Variants in YEATS2 observed in about 807,000 individuals in gnomAD.
The protein encoded by YEATS2 is YEATS domain-containing protein 2.
A neutral mutation model predicts 163.2 loss-of-function variants in YEATS2; 77 were observed. The ratio of observed to expected loss-of-function variants is 0.47; its 90% CI spans 0.39 to 0.57. YEATS2 has a LOEUF of 0.57. Ranked by LOEUF, YEATS2 falls within the 20% of genes least tolerant of loss-of-function variation. The pLI, the probability that YEATS2 is intolerant of heterozygous loss-of-function variation, is 0.00. For synonymous variants in YEATS2, 631 were observed against 645.1 expected, an observed-to-expected ratio of 0.98 and a Z score of 0.33; for missense variants, 1,549 against 1,729.8, an observed-to-expected ratio of 0.90 and a Z score of 1.85.
At chr3:183,741,891 C>T (rs1032359217) in intron 8 of YEATS2, among the ~76,000 whole-genome samples, 1 of 151,828 alleles carries the variant, frequency 6.6e-6, no homozygotes, top group African/African-American at 2.4e-5. Context: ...GTAATTTCAA[C>T]ATTCAAGTCT....
intron 9 of YEATS2, among the ~76,000 whole-genome samples, chr3:183,749,934 C>T (rs1179014374): frequency 2.6e-5 from 4 of 152,188 alleles, no homozygotes; most frequent in Non-Finnish European, 5.9e-5. Context: ...TCTCCTGCCT[C>T]AGCCTCCTGA....
At chr3:183,745,784 T>A (rs1347725845) in intron 8 of YEATS2, among the ~76,000 whole-genome samples, 1 of 152,164 alleles carries the variant, frequency 6.6e-6, no homozygotes, top group Non-Finnish European at 1.5e-5. Context: ...ATCCATTTAG[T>A]AAAACCTTGA....
intron 1 of YEATS2, among the ~76,000 whole-genome samples, chr3:183,700,590 TTTTC>T (rs1232272493): frequency 2.7e-5 from 4 of 149,692 alleles, no homozygotes; most frequent in African/African-American, 7.4e-5. Context: ...TTTTCTTTTC[TTTTC>T]TTTCTTTTTT....
intron 7 of YEATS2, among the ~76,000 whole-genome samples, chr3:183,736,444 C>T (rs573917936): frequency 3.3e-5 from 5 of 152,304 alleles, no homozygotes; most frequent in South Asian, 4.1e-4. Context: ...CTAGTTCCCT[C>T]GTCTGTGAAA....
In YEATS2 at chr3:183,729,880, G is replaced by A. The variant is rs925335661; in HGVS notation, c.812+1029G>A. ...TTTTTTTGTATTTTTAGTAGAGACGGGCTTTCACCATGTTGGCCAGGCTGG... is the reference window on the plus strand; with the variant it reads ...TTTTTTTGTATTTTTAGTAGAGACGAGCTTTCACCATGTTGGCCAGGCTGG... On this transcript the variant is annotated intron_variant, in intron 7 of 30. Transcript: ENST00000305135. 3.3e-5 allele frequency among the ~76,000 whole-genome samples: 5 copies of A among 151,622 alleles called. No individual in the cohort carries two copies. The South Asian group carries it at 1.0e-3, about 32-fold the overall frequency.
intron 20 of YEATS2, among the ~76,000 whole-genome samples, chr3:183,786,561 A>G (rs949038297): frequency 5.3e-5 from 8 of 152,174 alleles, no homozygotes; most frequent in Admixed American, 1.3e-4. Flanking sequence ...AAGAAGCCCA[A>G]TACCCATCAG....
chr3:183,781,410 A>G (rs1214825548), intron 19 of YEATS2, among the ~76,000 whole-genome samples: 1 of 152,182 alleles, frequency 6.6e-6, no homozygotes, highest in Non-Finnish European at 1.5e-5. Context: ...TTTTTGTTCT[A>G]TTCAGGTCCT....
chr3:183,717,628 T>C, intron 2 of YEATS2, 23 bp from the exon 3 acceptor site: 1 of 1,502,554 alleles, frequency 6.7e-7, no homozygotes, highest in Non-Finnish European at 8.9e-7. Context: ...AGGCCTTGGA[T>C]GTATTTTATG....
rs1294238505 is a variant in YEATS2, at chr3:183,805,407, TAAAAAG to T, written c.3784+1224_3784+1229del. On this transcript the variant is annotated intron_variant, in intron 27 of 30. Transcript: ENST00000305135. ...AGAGCCAGGCCCTGTCTCAATAAAA[TAAAAAG>T]AAAAGTTGTTCTCTGCCCCCAGCCC... 1.4e-4 allele frequency among the ~76,000 whole-genome samples: 21 copies of T among 151,832 alleles called. 1 individual carries two copies. The highest frequency in any genetic ancestry group is 5.2e-4 in the Admixed American group (8 of 15,264).
At chr3:183,793,015 CTATAAT>C in intron 21 of YEATS2, 1 of 702,896 alleles carries the variant, frequency 1.4e-6, no homozygotes, top group African/African-American at 1.9e-5. Flanking sequence ...TTTTGTTTTT[CTATAAT>C]CTGGTATAGA....
chr3:183,730,062 T>G lies in YEATS2; in HGVS notation c.812+1211T>G, dbSNP rs1202836295. On this transcript the variant is annotated intron_variant, in intron 7 of 30. Transcript: ENST00000305135. ...TGTGGTTTTTTGTTTGTTTTTTTTTTTTTTTTTTTTTTTTTTTTTTTTTTT... is the reference window on the plus strand; with the variant it reads ...TGTGGTTTTTTGTTTGTTTTTTTTTGTTTTTTTTTTTTTTTTTTTTTTTTT... Among the ~76,000 whole-genome samples the G allele has an allele frequency of 4.8e-3, 447 of 92,720 alleles. 18 individuals carry two copies. Among genetic ancestry groups the G allele is most frequent in the African/African-American group, 0.02 (314 of 15,980 alleles). 60.8% of individuals were successfully genotyped at this position (92,720 alleles called of 152,430 possible).
chr3:183,736,953 C>T, intron 8 of YEATS2, 124 bp downstream of exon 8: 1 of 731,504 alleles, frequency 1.4e-6, no homozygotes, highest in Non-Finnish European at 2.2e-6. Flanking sequence ...ACTTTCGACT[C>T]CCCCAAAACT....
At chr3:183,747,485 A>G (rs1252579328) in intron 8 of YEATS2, among the ~76,000 whole-genome samples, 187 bp from the exon 9 acceptor site, 1 of 152,084 alleles carries the variant, frequency 6.6e-6, no homozygotes, top group African/African-American at 2.4e-5. Context: ...TAGTAACTAT[A>G]TGTCTGAGGT....
chr3:183,795,162 A>ATTT (rs1725016004), intron 21 of YEATS2, among the ~76,000 whole-genome samples: 2 of 141,348 alleles, frequency 1.4e-5, no homozygotes, highest in African/African-American at 5.2e-5. Flanking sequence ...AAAGAGCAAG[A>ATTT]CACTGTCTCA....
chr3:183,754,127 A>G lies in YEATS2; in HGVS notation c.1152A>G (p.Gly384=), dbSNP rs1262664311. The G allele has an allele frequency of 1.9e-6, 3 of 1,551,686 alleles. No individual in the cohort carries two copies. The highest frequency in any genetic ancestry group is 1.8e-5 in the Admixed American group (1 of 55,106). Residue 384 remains glycine (G), a splice_region_variant and synonymous_variant, in exon 11 of 31, where the codon GGA becomes GGG. Coordinates refer to ENST00000305135, the MANE Select transcript of YEATS2 (RefSeq NM_018023.5). The part of the protein sequence containing the change: ...EPVPDTSVEK[G]FPASTEAERH... ...GTTTGCCTCTTTCATCTCAAGCAGGATTCCCAGCTAGCACTGAAGCTGAAC... is the reference window on the plus strand; with the variant it reads ...GTTTGCCTCTTTCATCTCAAGCAGGGTTCCCAGCTAGCACTGAAGCTGAAC...
intron 8 of YEATS2, among the ~76,000 whole-genome samples, chr3:183,741,853 A>G (rs1219825266): frequency 6.6e-6 from 1 of 152,094 alleles, no homozygotes; most frequent in East Asian, 1.9e-4. Flanking sequence ...CTAACACAAT[A>G]TCCATTCTGC....
intron 23 of YEATS2, among the ~76,000 whole-genome samples, chr3:183,799,454 G>A (rs2108511028): frequency 6.6e-6 from 1 of 152,302 alleles, no homozygotes. Context: ...GCCAGATTAA[G>A]GGCACAGGAG....
At chr3:183,701,398 A>G (rs1391725349) in intron 1 of YEATS2, among the ~76,000 whole-genome samples, 1 of 128,230 alleles carries the variant, frequency 7.8e-6, no homozygotes, top group African/African-American at 3.0e-5. Context: ...CAATATATAT[A>G]TTTTTTGAGA....
chr3:183,748,104 A>G (rs1472278135), intron 9 of YEATS2, among the ~76,000 whole-genome samples: 2 of 151,860 alleles, frequency 1.3e-5, no homozygotes, highest in Non-Finnish European at 2.9e-5. Context: ...ATAACTACCG[A>G]AGACTGGGTA....
Sources: allele counts gnomAD v4.1 joint callset (sites outside exome capture counted in the v4.1 genomes callset), GRCh38; gene constraint gnomAD v4.1.1; transcripts MANE v1.5; gene names NCBI Gene and HGNC (gene_info 2026-07-23, HGNC 2026-07-21).